Variants in NR2F1-AS1 observed in about 807,000 individuals in gnomAD.
The protein encoded by NR2F1-AS1 is NR2F1 antisense RNA 1.
intron 4 of NR2F1-AS1, chr5:93,411,475 A>C (rs1382814874): frequency 2.0e-5 from 3 of 152,214 alleles, no homozygotes; most frequent in South Asian, 4.1e-4. Context: ...GCAGGTACTC[A>C]GTGGCTATCT....
At chr5:93,525,978 C>T (rs1381574246) in intron 4 of NR2F1-AS1, among the ~76,000 whole-genome samples, 1 of 151,914 alleles carries the variant, frequency 6.6e-6, no homozygotes, top group Non-Finnish European at 1.5e-5. Context: ...AATTCAAAAG[C>T]TATAGGAAGA....
upstream of NR2F1-AS1, among the ~76,000 whole-genome samples, chr5:93,582,235 A>G (rs1345405434): frequency 2.0e-5 from 3 of 149,176 alleles, no homozygotes; most frequent in Non-Finnish European, 4.4e-5. Flanking sequence ...ATTAATAATG[A>G]TTGAAGCATT....
At chr5:93,464,734 A>G (rs1289750218) in intron 4 of NR2F1-AS1, among the ~76,000 whole-genome samples, 1 of 152,224 alleles carries the variant, frequency 6.6e-6, no homozygotes, top group Non-Finnish European at 1.5e-5. Context: ...CATGCAGCCT[A>G]ACATTTGCAA....
intron 4 of NR2F1-AS1, among the ~76,000 whole-genome samples, chr5:93,475,004 G>C (rs1750450452): frequency 6.6e-6 from 1 of 151,994 alleles, no homozygotes; most frequent in African/African-American, 2.4e-5. Context: ...TGTGCCTGTA[G>C]TCCCAGCTGC....
chr5:93,471,788 C>T (rs765753758), intron 4 of NR2F1-AS1, among the ~76,000 whole-genome samples: 16 of 151,846 alleles, frequency 1.1e-4, no homozygotes, highest in Non-Finnish European at 1.5e-4. Context: ...CCTTCTGAAG[C>T]ACCATGGACA....
At chr5:93,537,768 A>G (rs1751868611) in intron 4 of NR2F1-AS1, among the ~76,000 whole-genome samples, 1 of 152,156 alleles carries the variant, frequency 6.6e-6, no homozygotes, top group Admixed American at 6.5e-5. Flanking sequence ...AAATAGAACT[A>G]CCATATGATC....
intron 4 of NR2F1-AS1, among the ~76,000 whole-genome samples, chr5:93,430,941 TA>T (rs1177344380): frequency 1.3e-5 from 2 of 150,616 alleles, no homozygotes; most frequent in African/African-American, 4.9e-5. Context: ...CAGGAAATCC[TA>T]AGGGGTCAGC....
intron 4 of NR2F1-AS1, among the ~76,000 whole-genome samples, chr5:93,550,047 T>C (rs924616561): frequency 6.6e-6 from 1 of 151,726 alleles, no homozygotes; most frequent in African/African-American, 2.4e-5. Flanking sequence ...CAAACCACCA[T>C]GGCATGTGTA....
At chr5:93,411,192 A>C (rs1170759841) in intron 4 of NR2F1-AS1, 4 of 152,234 alleles carry the variant, frequency 2.6e-5, no homozygotes, top group Non-Finnish European at 5.9e-5. Context: ...GTATTCAATT[A>C]AGTTGAAAAG....
intron 4 of NR2F1-AS1, among the ~76,000 whole-genome samples, chr5:93,518,270 C>T (rs1751436298): frequency 1.3e-5 from 2 of 152,084 alleles, no homozygotes; most frequent in African/African-American, 4.8e-5. Context: ...GTCTCCAGAC[C>T]TGAGGCTGTG....
chr5:93,475,608 G>A lies in NR2F1-AS1; in HGVS notation n.638+78153C>T, dbSNP rs926166386. ...AGTATCTTACTAGATAATTCCTTTC[G>A]AATCTAGAGCTTAGCTTATTAAATA... On this transcript the variant is annotated intron_variant and non_coding_transcript_variant, in intron 4 of 5. Coordinates refer to ENST00000660523, the Ensembl canonical transcript of NR2F1-AS1. 5.9e-5 allele frequency among the ~76,000 whole-genome samples: 9 copies of A among 152,002 alleles called. No individual in the cohort carries two copies. In the South Asian group the frequency reaches 6.2e-4, roughly 10 times the overall value.
chr5:93,410,074 T>C (rs1208466103), intron 4 of NR2F1-AS1: 1 of 152,238 alleles, frequency 6.6e-6, no homozygotes, highest in Non-Finnish European at 1.5e-5. Context: ...TCTACAGTTA[T>C]ATCAGTGTCT....
chr5:93,546,937 T>A (rs890514218), intron 4 of NR2F1-AS1, among the ~76,000 whole-genome samples: 4 of 152,190 alleles, frequency 2.6e-5, no homozygotes, highest in Non-Finnish European at 1.5e-5. Context: ...CTTTTAATAA[T>A]GTGAGTGGAT....
chr5:93,537,802 C>G (rs1015961357), intron 4 of NR2F1-AS1, among the ~76,000 whole-genome samples: 1 of 152,118 alleles, frequency 6.6e-6, no homozygotes, highest in African/African-American at 2.4e-5. Context: ...ACTGGATATA[C>G]AGCAGGTACT....
chr5:93,544,742 T>C (rs1306980675), intron 4 of NR2F1-AS1: 1 of 151,940 alleles, frequency 6.6e-6, no homozygotes, highest in Non-Finnish European at 1.5e-5. Flanking sequence ...GCCAACATGA[T>C]GCAACCCCAT....
At chr5:93,576,431 T>C (rs932046170) in intron 1 of NR2F1-AS1, among the ~76,000 whole-genome samples, 112 of 138,570 alleles carry the variant, frequency 8.1e-4, no homozygotes, top group African/African-American at 3.2e-3. Flanking sequence ...TGCTTGTGCT[T>C]TTTTTTTTTT....
At chr5:93,572,021 A>C (rs1752780109) in intron 1 of NR2F1-AS1, among the ~76,000 whole-genome samples, 1 of 152,168 alleles carries the variant, frequency 6.6e-6, no homozygotes, top group African/African-American at 2.4e-5. Context: ...CGGTAAGCGG[A>C]GGTCTGGGGT....
intron 4 of NR2F1-AS1, among the ~76,000 whole-genome samples, chr5:93,477,551 AT>A (rs1463447058): frequency 6.6e-6 from 1 of 152,136 alleles, no homozygotes; most frequent in East Asian, 1.9e-4. Flanking sequence ...TATTTTACTT[AT>A]TTTCACCAAA....
intron 4 of NR2F1-AS1, among the ~76,000 whole-genome samples, chr5:93,479,976 C>T (rs1750566457): frequency 6.6e-6 from 1 of 151,698 alleles, no homozygotes; most frequent in Non-Finnish European, 1.5e-5. Context: ...TTATACTTAC[C>T]CAGTCTTATG....
Sources: allele counts gnomAD v4.1 joint callset (sites outside exome capture counted in the v4.1 genomes callset), GRCh38; gene constraint gnomAD v4.1.1; transcripts MANE v1.5; gene names NCBI Gene and HGNC (gene_info 2026-07-23, HGNC 2026-07-21).